SLC2A9: variants seen among roughly 807,000 people sequenced by gnomAD.
SLC2A9 encodes the protein solute carrier family 2, facilitated glucose transporter member 9.
A neutral mutation model predicts 50.6 loss-of-function variants in SLC2A9; 39 were observed. That is an observed-to-expected ratio of 0.77 (90% CI 0.60 to 1.01). SLC2A9 has a LOEUF of 1.01. Ranked by LOEUF, SLC2A9 falls within the 50% of genes least tolerant of loss-of-function variation. The probability of loss-of-function intolerance (pLI) is 0.00; values close to 1 mark genes in which losing one functional copy is unlikely to be tolerated. For missense variants in SLC2A9, 686 were observed against 677.6 expected (o/e 1.01, Z -0.14); for synonymous variants, 324 against 276.9 (o/e 1.17, Z -1.69).
At chr4:9,959,550 T>G (rs923327557) in intron 5 of SLC2A9, among the ~76,000 whole-genome samples, 1 of 152,094 alleles carries the variant, frequency 6.6e-6, no homozygotes, top group African/African-American at 2.4e-5. Context: ...GTAAAAGAGT[T>G]GTAAGAGATT....
intron 3 of SLC2A9, among the ~76,000 whole-genome samples, chr4:9,987,814 C>T (rs980519496): frequency 6.6e-6 from 1 of 151,264 alleles, no homozygotes; most frequent in Non-Finnish European, 1.5e-5. Context: ...GGTGACAGAG[C>T]GAGACTCCGT....
At chr4:10,023,209 C>T (rs560295351), upstream of SLC2A9, among the ~76,000 whole-genome samples, 2 of 152,288 alleles carry the variant, frequency 1.3e-5, no homozygotes, top group Admixed American at 1.3e-4. Context: ...CCAAGGCCTG[C>T]AGGCACAGAT....
intron 2 of SLC2A9, among the ~76,000 whole-genome samples, chr4:10,009,978 GA>G (rs1482958370): frequency 1.3e-5 from 2 of 152,172 alleles, no homozygotes; most frequent in Non-Finnish European, 2.9e-5. Context: ...GGGATTTCTT[GA>G]GTTATTCATG....
chr4:9,847,502 A>C (rs1027453256), intron 10 of SLC2A9, among the ~76,000 whole-genome samples: 12 of 152,336 alleles, frequency 7.9e-5, no homozygotes, highest in African/African-American at 2.9e-4. Context: ...ATATTGGCAA[A>C]GGCCCAATCA....
chr4:9,987,745 T>C (rs557587073), intron 3 of SLC2A9, among the ~76,000 whole-genome samples: 1 of 152,186 alleles, frequency 6.6e-6, no homozygotes, highest in African/African-American at 2.4e-5. Context: ...GGAGAACTGC[T>C]TGAACCCAGG....
chr4:9,996,791 C>T lies in SLC2A9; in HGVS notation c.400G>A (p.Val134Ile), dbSNP rs748756420. 4 of 1,613,756 alleles carry T rather than the reference C, an allele frequency of 2.5e-6. No individual in the cohort carries two copies. The highest frequency in any genetic ancestry group is 3.3e-5 in the Admixed American group (2 of 59,996). Residue 134 changes from valine to isoleucine, a missense_variant, in exon 3 of 12, where the codon GTT becomes ATT. By Grantham distance (29) the Val-to-Ile change is conservative (BLOSUM62 3). Coordinates refer to ENST00000264784, the MANE Select transcript of SLC2A9 (RefSeq NM_020041.3). ...GTLIVKMIGK[V>I]LGRKHTLLAN... ...CAGCCTCCTACTGACCTCCCAAGAA[C>T]CTTTCCAATCATCTTCACAATTAAC...
chr4:9,863,608 C>T (rs983254491), intron 10 of SLC2A9, among the ~76,000 whole-genome samples: 4 of 152,010 alleles, frequency 2.6e-5, no homozygotes, highest in Non-Finnish European at 4.4e-5. Flanking sequence ...TTCTGACAAG[C>T]TTGATTTTAT....
chr4:9,899,837 G>C (rs934417235), intron 8 of SLC2A9, among the ~76,000 whole-genome samples: 1 of 152,202 alleles, frequency 6.6e-6, no homozygotes, highest in Admixed American at 6.5e-5. Context: ...AACTGGGATG[G>C]AAGGAAAGGC....
chr4:9,863,020 G>C (rs1031992313), intron 10 of SLC2A9, among the ~76,000 whole-genome samples: 1 of 152,020 alleles, frequency 6.6e-6, no homozygotes. Context: ...GCCCAGGGAG[G>C]CCAACTGTTA....
At chr4:9,810,222 G>A (rs1393958006) in intron 3 of SLC2A9, among the ~76,000 whole-genome samples, 1 of 151,974 alleles carries the variant, frequency 6.6e-6, no homozygotes, top group Non-Finnish European at 1.5e-5. Context: ...ATTACCGAGT[G>A]CACAGTAGAG....
intron 7 of SLC2A9, among the ~76,000 whole-genome samples, chr4:9,912,891 C>T (rs1742105752): frequency 6.6e-6 from 1 of 152,092 alleles, no homozygotes; most frequent in Non-Finnish European, 1.5e-5. Context: ...TCACCAGGGT[C>T]CTTAAAGAGG....
intron 7 of SLC2A9, among the ~76,000 whole-genome samples, chr4:9,915,197 T>C (rs139939118): frequency 6.6e-6 from 1 of 152,302 alleles, no homozygotes; most frequent in African/African-American, 2.4e-5. Flanking sequence ...AACAAAATAA[T>C]AGCTAAGATT....
intron 6 of SLC2A9, among the ~76,000 whole-genome samples, chr4:9,938,349 G>A (rs1462526813): frequency 3.5e-5 from 5 of 142,878 alleles, no homozygotes; most frequent in African/African-American, 7.9e-5. Context: ...TTGGCTCACT[G>A]TAAGCTCTGC....
chr4:9,783,011 G>A (rs1447523731), intron 3 of SLC2A9: 3 of 1,614,088 alleles, frequency 1.9e-6, no homozygotes, highest in South Asian at 1.1e-5. Context: ...ACACCCCGAA[G>A]GCCCTCCGGC....
chr4:10,030,661 C>T (rs1763914441), intron 1 of SLC2A9, among the ~76,000 whole-genome samples: 1 of 152,152 alleles, frequency 6.6e-6, no homozygotes, highest in Non-Finnish European at 1.5e-5. Flanking sequence ...AATACAAAAA[C>T]AAAAACGTGC....
In SLC2A9 at chr4:9,817,124, C is replaced by T. The variant is rs537719825; in HGVS notation, n.420+9296G>A. Among the ~76,000 whole-genome samples the T allele has an allele frequency of 1.2e-4, 19 of 152,248 alleles. No individual in the cohort carries two copies. In the South Asian group the frequency reaches 1.9e-3, roughly 15 times the overall value. On this transcript the variant is annotated intron_variant and non_coding_transcript_variant, in intron 3 of 3. Transcript: ENST00000503280. Reference sequence around the variant, plus strand: ...ACTTCCTTTCTGACTCTGACTCTGCCACCTCCCTTTTATAAGGACCTTTGT... The same window carrying T: ...ACTTCCTTTCTGACTCTGACTCTGCTACCTCCCTTTTATAAGGACCTTTGT...
At chr4:9,901,152 G>A (rs962213421) in intron 8 of SLC2A9, among the ~76,000 whole-genome samples, 1 of 152,152 alleles carries the variant, frequency 6.6e-6, no homozygotes. Context: ...AGGCCCCCAG[G>A]GGTTTGGGTT....
At chr4:9,823,667 C>A (rs1724712480), downstream of SLC2A9, among the ~76,000 whole-genome samples, 1 of 152,034 alleles carries the variant, frequency 6.6e-6, no homozygotes, top group African/African-American at 2.4e-5. Context: ...AAAGAATACC[C>A]CCTAGATTTG....
chr4:9,909,005 C>A (rs1046461765), intron 7 of SLC2A9, among the ~76,000 whole-genome samples: 3 of 152,118 alleles, frequency 2.0e-5, no homozygotes, highest in Admixed American at 6.5e-5. Context: ...TGCCATTAAC[C>A]TCCATCGTAA....
Sources: gnomAD v4.1 joint callset for allele counts (sites outside exome capture counted in the v4.1 genomes callset) on GRCh38, gnomAD v4.1.1 for gene constraint, MANE v1.5 for transcripts, NCBI Gene and HGNC (gene_info 2026-07-23, HGNC 2026-07-21) for gene names.